FAM227B: variants seen among roughly 807,000 people sequenced by gnomAD.
The protein encoded by FAM227B is family with sequence similarity 227 member B.
A neutral mutation model predicts 73.8 loss-of-function variants in FAM227B; 88 were observed. The ratio of observed to expected loss-of-function variants is 1.19; its 90% CI spans 1.00 to 1.42. The LOEUF is 1.42. Ranked by LOEUF, FAM227B falls within the 40% of genes most tolerant of loss-of-function variation. FAM227B has a pLI of 0.00. For missense variants in FAM227B, 632 were observed against 590.9 expected (o/e 1.07, Z -0.72); for synonymous variants, 210 against 190.5 (o/e 1.10, Z -0.84).
intron 4 of FAM227B, among the ~76,000 whole-genome samples, chr15:49,588,889 G>A (rs566891837): frequency 2.0e-5 from 3 of 151,386 alleles, no homozygotes; most frequent in South Asian, 4.2e-4. Flanking sequence ...CACATCTTCA[G>A]AATTACACAA....
At chr15:49,480,785 C>T (rs1383224052) in intron 11 of FAM227B, among the ~76,000 whole-genome samples, 2 of 151,936 alleles carry the variant, frequency 1.3e-5, no homozygotes, top group Non-Finnish European at 2.9e-5. Flanking sequence ...ATCCAGCCAT[C>T]CCCTTTGTAA....
chr15:49,493,531 T>C (rs950108820), intron 11 of FAM227B, among the ~76,000 whole-genome samples: 1 of 151,998 alleles, frequency 6.6e-6, no homozygotes, highest in Non-Finnish European at 1.5e-5. Context: ...AAGAACAAAA[T>C]CAAGATTCTC....
At chr15:49,585,819 G>A (rs1440200650) in intron 5 of FAM227B, among the ~76,000 whole-genome samples, 2 of 151,980 alleles carry the variant, frequency 1.3e-5, no homozygotes, top group Non-Finnish European at 2.9e-5. Flanking sequence ...TTGTGCACAT[G>A]TACCCTAAAA....
chr15:49,575,860 C>T (rs2075407165), intron 7 of FAM227B, among the ~76,000 whole-genome samples: 1 of 152,166 alleles, frequency 6.6e-6, no homozygotes, highest in South Asian at 2.1e-4. Context: ...AATTTGTCTA[C>T]TGTAACTACT....
At chr15:49,537,488 T>C (rs1471642356) in intron 10 of FAM227B, among the ~76,000 whole-genome samples, 1 of 152,106 alleles carries the variant, frequency 6.6e-6, no homozygotes, top group East Asian at 1.9e-4. Context: ...GGTGCAGCTA[T>C]TGAGGAAAAC....
At chr15:49,351,498 C>T (rs774750956) in intron 13 of FAM227B, among the ~76,000 whole-genome samples, 37 of 151,280 alleles carry the variant, frequency 2.4e-4, no homozygotes, top group Non-Finnish European at 1.2e-4. Context: ...TCCATCTAAT[C>T]GACTATTGGA....
chr15:49,415,521 GA>G (rs905644760), intron 11 of FAM227B, among the ~76,000 whole-genome samples: 27 of 150,152 alleles, frequency 1.8e-4, no homozygotes, highest in Admixed American at 7.3e-4. Flanking sequence ...TGTACAAGTG[GA>G]AAAAAAAACC....
At chr15:49,586,305 A>G (rs1425732729) in intron 5 of FAM227B, among the ~76,000 whole-genome samples, 1 of 152,198 alleles carries the variant, frequency 6.6e-6, no homozygotes, top group Non-Finnish European at 1.5e-5. Flanking sequence ...TCCCTATTCA[A>G]TAAATAATGC....
rs1181055871 is a variant in FAM227B, at chr15:49,531,339, T to C, written c.874+10341A>G. ...ATTTGTGTAATGTACTGGATGTATA[T>C]TAGATTTCAATAAAATAATGTTAAA... On this transcript the variant is annotated intron_variant, in intron 10 of 15. Coordinates refer to ENST00000299338, the MANE Select transcript of FAM227B (RefSeq NM_152647.3). Among the ~76,000 whole-genome samples the C allele has an allele frequency of 6.6e-5, 10 of 151,832 alleles. No individual in the cohort carries two copies. The Admixed American group carries it at 6.6e-4, about 10-fold the overall frequency.
chr15:49,370,036 A>T (rs2045706012), intron 12 of FAM227B, among the ~76,000 whole-genome samples: 1 of 152,226 alleles, frequency 6.6e-6, no homozygotes, highest in Non-Finnish European at 1.5e-5. Flanking sequence ...ACAACAAGGA[A>T]GAGGCCATCT....
At chr15:49,328,777 T>C in intron 15 of FAM227B, 102 bp from the exon 16 acceptor site, 1 of 962,378 alleles carries the variant, frequency 1.0e-6, no homozygotes. Flanking sequence ...ACTAAGGATT[T>C]TTTTTTTTTT....
intron 11 of FAM227B, among the ~76,000 whole-genome samples, chr15:49,460,126 T>C (rs1352141016): frequency 6.6e-6 from 1 of 152,054 alleles, no homozygotes; most frequent in East Asian, 1.9e-4. Context: ...AGCCAGAGCA[T>C]CAGGTATCAT....
intron 11 of FAM227B, among the ~76,000 whole-genome samples, chr15:49,462,680 C>T (rs141761444): frequency 4.6e-5 from 7 of 152,290 alleles, no homozygotes; most frequent in African/African-American, 1.7e-4. Flanking sequence ...TCTATGACTG[C>T]TCTTCCTTCC....
chr15:49,377,969 C>A (rs1462465023), intron 11 of FAM227B, among the ~76,000 whole-genome samples: 1 of 152,066 alleles, frequency 6.6e-6, no homozygotes, highest in African/African-American at 2.4e-5. Flanking sequence ...CTGATGTTTT[C>A]TTGCAGTAGT....
At position 49,422,746 on chromosome 15, in the gene FAM227B, T is replaced by A. The variant is rs1397379593; in HGVS notation, c.1013-51347A>T. 5 of 1,328,150 alleles carry A rather than the reference T, an allele frequency of 3.8e-6. No homozygotes were observed. In the African/African-American group the frequency reaches 5.8e-5, roughly 15 times the overall value. The allele number at this position is 1,328,150 out of a possible 1,614,324, so 82.3% of individuals were successfully genotyped here. ...ATATAATACATAAAAATTGTACTTATATTCATATTCAATGAATTGTCTCTG... is the reference window on the plus strand; with the variant it reads ...ATATAATACATAAAAATTGTACTTAAATTCATATTCAATGAATTGTCTCTG... On this transcript the variant is annotated intron_variant, in intron 11 of 15. Coordinates refer to ENST00000299338, the MANE Select transcript of FAM227B (RefSeq NM_152647.3).
At chr15:49,352,920 G>GT (rs1567129722) in intron 13 of FAM227B, among the ~76,000 whole-genome samples, 1 of 152,168 alleles carries the variant, frequency 6.6e-6, no homozygotes, top group African/African-American at 2.4e-5. Context: ...TTACACTGGT[G>GT]TTCTGTCTTA....
intron 10 of FAM227B, among the ~76,000 whole-genome samples, chr15:49,517,295 A>G (rs541404182): frequency 1.4e-4 from 22 of 152,216 alleles, no homozygotes; most frequent in Non-Finnish European, 3.1e-4. Flanking sequence ...TACTGTAAAC[A>G]GCCTAAGAAA....
intron 9 of FAM227B, among the ~76,000 whole-genome samples, chr15:49,542,785 A>G (rs951225356): frequency 1.3e-5 from 2 of 151,120 alleles, no homozygotes; most frequent in African/African-American, 4.9e-5. Context: ...ATTCAAGGGG[A>G]CATGTGCTGG....
chr15:49,585,337 A>G (rs1342025702), intron 5 of FAM227B, among the ~76,000 whole-genome samples: 1 of 152,320 alleles, frequency 6.6e-6, no homozygotes, highest in East Asian at 1.9e-4. Context: ...CCATCCCATT[A>G]CTGGGTATAT....
Sources: allele counts gnomAD v4.1 joint callset (sites outside exome capture counted in the v4.1 genomes callset), GRCh38; gene constraint gnomAD v4.1.1; transcripts MANE v1.5; gene names NCBI Gene and HGNC (gene_info 2026-07-23, HGNC 2026-07-21).